Variants in ZFAT observed in about 807,000 individuals in gnomAD.
ZFAT encodes zinc finger protein ZFAT.
ZFAT carries 64 observed loss-of-function variants against 117.7 expected under a neutral mutation model. The observed-to-expected ratio is 0.54, with a 90% CI of 0.44 to 0.67. ZFAT has a LOEUF of 0.67. Ranked by LOEUF, ZFAT falls within the 30% of genes least tolerant of loss-of-function variation. The pLI is 0.00. For synonymous variants in ZFAT, 679 were observed against 615.0 expected (o/e 1.10, Z -1.54); for missense variants, 1,433 against 1,584.5 (o/e 0.90, Z 1.62).
At chr8:134,743,484 A>T in the ZFAT span, among the ~76,000 whole-genome samples, 1 of 152,076 alleles carries the variant, frequency 6.6e-6, no homozygotes, top group African/African-American at 2.4e-5. Context: ...GTGAGACTCC[A>T]TCTCAAAGAA....
At chr8:134,547,901 C>T (rs915231106) in intron 11 of ZFAT, among the ~76,000 whole-genome samples, 2 of 152,172 alleles carry the variant, frequency 1.3e-5, no homozygotes, top group African/African-American at 2.4e-5. Context: ...CTTTCTAAAG[C>T]ACTTACACAT....
At chr8:134,605,923 C>T (rs764500919) in intron 5 of ZFAT, among the ~76,000 whole-genome samples, 1 of 152,162 alleles carries the variant, frequency 6.6e-6, no homozygotes, top group Non-Finnish European at 1.5e-5. Flanking sequence ...CCATCAGGCT[C>T]CCTGTGAGAA....
At chr8:134,792,474 A>G in the ZFAT span, 1 of 152,222 alleles carries the variant, frequency 6.6e-6, no homozygotes, top group Non-Finnish European at 1.5e-5. Context: ...CATAATGGAG[A>G]TAAAACCATT....
chr8:134,529,517 C>A (rs1415313223), intron 12 of ZFAT, among the ~76,000 whole-genome samples: 1 of 152,168 alleles, frequency 6.6e-6, no homozygotes, highest in Non-Finnish European at 1.5e-5. Flanking sequence ...GCATCAGATG[C>A]ACATAAAATA....
intron 1 of ZFAT, among the ~76,000 whole-genome samples, chr8:134,708,576 A>G (rs929892711): frequency 2.0e-5 from 3 of 152,040 alleles, no homozygotes; most frequent in East Asian, 1.9e-4. Flanking sequence ...GTGTTCCTTG[A>G]AAAAAAAGGA....
the ZFAT span, among the ~76,000 whole-genome samples, chr8:134,769,973 G>A: frequency 6.6e-6 from 1 of 152,170 alleles, no homozygotes; most frequent in Non-Finnish European, 1.5e-5. Context: ...AGGGCACCAA[G>A]CCCCTGGGTG....
intron 1 of ZFAT, chr8:134,674,853 G>C (rs992302735): frequency 2.1e-5 from 5 of 240,804 alleles, no homozygotes; most frequent in African/African-American, 1.2e-4. Flanking sequence ...CAGGCAAACA[G>C]GGTATGGAGC....
At chr8:134,527,916 G>C (rs1446396598) in intron 12 of ZFAT, among the ~76,000 whole-genome samples, 3 of 152,124 alleles carry the variant, frequency 2.0e-5, no homozygotes, top group Admixed American at 6.5e-5. Context: ...CCATAGGGAA[G>C]GACTTGCAAA....
At chr8:134,592,680 T>C (rs1035141016) in intron 7 of ZFAT, among the ~76,000 whole-genome samples, 5 of 152,202 alleles carry the variant, frequency 3.3e-5, no homozygotes, top group Admixed American at 1.3e-4. Context: ...GGTTTCCACA[T>C]TGCTATCATG....
At chr8:134,720,789 G>A in the ZFAT span, among the ~76,000 whole-genome samples, 1 of 152,384 alleles carries the variant, frequency 6.6e-6, no homozygotes, top group East Asian at 1.9e-4. Flanking sequence ...TTCAGAGGTA[G>A]CTGCTATGGG....
intron 2 of ZFAT, 127 bp from the exon 3 acceptor site, chr8:134,637,839 T>C: frequency 7.7e-7 from 1 of 1,290,836 alleles, no homozygotes; most frequent in East Asian, 2.4e-5. Flanking sequence ...TCTAAAGTGA[T>C]TCCAGACATT....
chr8:134,499,989 G>C (rs1818850253), intron 15 of ZFAT, among the ~76,000 whole-genome samples: 1 of 152,206 alleles, frequency 6.6e-6, no homozygotes, highest in East Asian at 1.9e-4. Flanking sequence ...GGAGACTACT[G>C]TTCTGGTGGG....
At chr8:134,617,159 C>A (rs2131002301) in intron 3 of ZFAT, among the ~76,000 whole-genome samples, 1 of 152,308 alleles carries the variant, frequency 6.6e-6, no homozygotes, top group Non-Finnish European at 1.5e-5. Flanking sequence ...CAGAGGCAAT[C>A]TTGAGGAGAG....
At chr8:134,507,652 T>A (rs540389471) in intron 15 of ZFAT, among the ~76,000 whole-genome samples, 1 of 152,230 alleles carries the variant, frequency 6.6e-6, no homozygotes, top group Non-Finnish European at 1.5e-5. Context: ...GTCAGTCTGA[T>A]GCCTCAAAGC....
intron 3 of ZFAT, among the ~76,000 whole-genome samples, chr8:134,632,574 C>A (rs1393889144): frequency 6.6e-6 from 1 of 152,034 alleles, no homozygotes; most frequent in Non-Finnish European, 1.5e-5. Flanking sequence ...AACAGAGAAA[C>A]AGAAGCATTT....
chr8:134,701,486 T>C (rs1273124405), intron 1 of ZFAT, among the ~76,000 whole-genome samples: 3 of 152,254 alleles, frequency 2.0e-5, no homozygotes, highest in African/African-American at 7.2e-5. Context: ...TACAAATATC[T>C]CTTTGAGACT....
chr8:134,730,840 TA>T, the ZFAT span, among the ~76,000 whole-genome samples: 1 of 152,210 alleles, frequency 6.6e-6, no homozygotes, highest in East Asian at 1.9e-4. Flanking sequence ...AAGCTAGAAA[TA>T]TTCTGGTTTC....
chr8:134,555,675 T>C (rs1185851252), intron 11 of ZFAT, among the ~76,000 whole-genome samples: 1 of 150,796 alleles, frequency 6.6e-6, no homozygotes, highest in Non-Finnish European at 1.5e-5. Context: ...AAAACATCTC[T>C]GCAGCCCTGC....
intron 7 of ZFAT, chr8:134,597,449 T>C (rs537494185): frequency 1.3e-5 from 2 of 152,366 alleles, no homozygotes; most frequent in South Asian, 4.1e-4. Context: ...CCTCACTCTC[T>C]TTCCTGGCCC....
Sources: gnomAD v4.1 joint callset for allele counts (sites outside exome capture counted in the v4.1 genomes callset) on GRCh38, gnomAD v4.1.1 for gene constraint, MANE v1.5 for transcripts, NCBI Gene and HGNC (gene_info 2026-07-23, HGNC 2026-07-21) for gene names.